Variants in TOX observed in about 807,000 individuals in gnomAD.
The protein encoded by TOX is thymocyte selection associated high mobility group box.
In TOX, 11 loss-of-function variants were observed where a neutral mutation model predicts 53.7. That is an observed-to-expected ratio of 0.20 (90% CI 0.13 to 0.34). TOX has a LOEUF of 0.34. TOX is among the 10% of genes least tolerant of loss of function. The pLI, the probability that TOX is intolerant of heterozygous loss-of-function variation, is 1.00. For synonymous variants in TOX, 225 were observed against 245.3 expected (o/e 0.92, Z 0.77); for missense variants, 570 against 664.6 (o/e 0.86, Z 1.56).
At chr8:58,910,203 G>A (rs186830970) in intron 3 of TOX, among the ~76,000 whole-genome samples, 41 of 152,252 alleles carry the variant, frequency 2.7e-4, no homozygotes, top group African/African-American at 9.6e-4. Flanking sequence ...ATATATAGTT[G>A]TATTTGACAA....
chr8:59,088,503 T>G (rs1029920980), intron 1 of TOX, among the ~76,000 whole-genome samples: 33 of 152,342 alleles, frequency 2.2e-4, no homozygotes, highest in African/African-American at 7.7e-4. Context: ...CATTACATTT[T>G]GGGTACAGAA....
At chr8:58,866,858 T>C (rs1811112392) in intron 3 of TOX, among the ~76,000 whole-genome samples, 1 of 152,186 alleles carries the variant, frequency 6.6e-6, no homozygotes, top group Non-Finnish European at 1.5e-5. Flanking sequence ...GGAAATAAGC[T>C]CAAAGTTCCT....
intron 1 of TOX, among the ~76,000 whole-genome samples, chr8:58,995,986 C>T (rs756707689): frequency 6.6e-6 from 1 of 151,992 alleles, no homozygotes; most frequent in Non-Finnish European, 1.5e-5. Flanking sequence ...GTTGGTATTC[C>T]CTCCGTTTCC....
chr8:58,998,499 ATATATATATATATATAT>A (rs1563413278), intron 1 of TOX, among the ~76,000 whole-genome samples: 1 of 74,538 alleles, frequency 1.3e-5, no homozygotes, highest in Non-Finnish European at 2.3e-5. Flanking sequence ...AAAAGTATAT[ATATATATATATATATAT>A]ATATATATAT....
At chr8:59,058,133 T>A (rs1344410712) in intron 1 of TOX, among the ~76,000 whole-genome samples, 1 of 152,238 alleles carries the variant, frequency 6.6e-6, no homozygotes, top group Non-Finnish European at 1.5e-5. Flanking sequence ...CAACTAAGAA[T>A]ATCATCTCAT....
At chr8:58,993,751 C>A (rs549651252) in intron 1 of TOX, among the ~76,000 whole-genome samples, 1 of 152,118 alleles carries the variant, frequency 6.6e-6, no homozygotes, top group Non-Finnish European at 1.5e-5. Flanking sequence ...AGATGACAGA[C>A]CTTTACTCTT....
intron 3 of TOX, among the ~76,000 whole-genome samples, chr8:58,908,980 A>G (rs1053369606): frequency 6.6e-6 from 1 of 152,174 alleles, no homozygotes; most frequent in South Asian, 2.1e-4. Flanking sequence ...CATTAATGGG[A>G]TGATATTGGC....
At chr8:59,005,260 C>T (rs2129418383) in intron 1 of TOX, among the ~76,000 whole-genome samples, 1 of 152,158 alleles carries the variant, frequency 6.6e-6, no homozygotes, top group East Asian at 1.9e-4. Flanking sequence ...GGATGGTCTT[C>T]ATCTCCTGAC....
intron 1 of TOX, among the ~76,000 whole-genome samples, chr8:58,976,109 T>G (rs763849127): frequency 6.6e-6 from 1 of 152,098 alleles, no homozygotes; most frequent in Non-Finnish European, 1.5e-5. Context: ...ATCTACTGAC[T>G]CTTTCTTCCA....
At chr8:59,043,738 T>C (rs537294432) in intron 1 of TOX, among the ~76,000 whole-genome samples, 5 of 152,208 alleles carry the variant, frequency 3.3e-5, no homozygotes, top group Non-Finnish European at 7.3e-5. Flanking sequence ...AAATGCGAGA[T>C]GGATGGGTAG....
intron 3 of TOX, among the ~76,000 whole-genome samples, chr8:58,858,969 AT>A (rs1810961630): frequency 6.6e-6 from 1 of 152,206 alleles, no homozygotes; most frequent in Admixed American, 6.5e-5. Context: ...TTTGCCAGGG[AT>A]TCAATTAATA....
intron 4 of TOX, among the ~76,000 whole-genome samples, chr8:58,845,024 T>C (rs1302420296): frequency 6.6e-6 from 1 of 152,108 alleles, no homozygotes; most frequent in African/African-American, 2.4e-5. Context: ...AAAAAGCATG[T>C]GCTAATGGTG....
intron 4 of TOX, among the ~76,000 whole-genome samples, chr8:58,847,310 A>C (rs1009103213): frequency 3.9e-5 from 6 of 152,184 alleles, no homozygotes; most frequent in African/African-American, 1.4e-4. Flanking sequence ...ACAAGAATAA[A>C]AGAGATTAAA....
intron 3 of TOX, among the ~76,000 whole-genome samples, chr8:58,868,705 A>G (rs1811144887): frequency 6.6e-6 from 1 of 152,130 alleles, no homozygotes; most frequent in African/African-American, 2.4e-5. Flanking sequence ...GAAAATTTAT[A>G]CCATTAAATA....
chr8:58,899,190 C>T (rs1811695764), intron 3 of TOX, among the ~76,000 whole-genome samples: 1 of 152,232 alleles, frequency 6.6e-6, no homozygotes, highest in African/African-American at 2.4e-5. Flanking sequence ...CTAACATAAT[C>T]ATTTCTCAGC....
At chr8:59,045,224 T>C (rs761867229) in intron 1 of TOX, among the ~76,000 whole-genome samples, 1 of 152,212 alleles carries the variant, frequency 6.6e-6, no homozygotes, top group Non-Finnish European at 1.5e-5. Flanking sequence ...TGCAGACACA[T>C]CACATTTTTC....
intron 3 of TOX, among the ~76,000 whole-genome samples, chr8:58,859,028 A>G (rs1810963940): frequency 6.6e-6 from 1 of 152,220 alleles, no homozygotes; most frequent in South Asian, 2.1e-4. Flanking sequence ...TTAATAATCA[A>G]AATTTATTTA....
chr8:58,870,532 A>G (rs778014854), intron 3 of TOX, among the ~76,000 whole-genome samples: 3 of 152,196 alleles, frequency 2.0e-5, no homozygotes, highest in Non-Finnish European at 4.4e-5. Flanking sequence ...TATTGACAAA[A>G]TGGTTTTGAA....
chr8:59,050,838 T>G (rs958642776), intron 1 of TOX, among the ~76,000 whole-genome samples: 2 of 152,198 alleles, frequency 1.3e-5, no homozygotes, highest in Non-Finnish European at 2.9e-5. Flanking sequence ...AAGCTCTCAT[T>G]GCATTCTGCA....
Sources: gnomAD v4.1 joint callset for allele counts (sites outside exome capture counted in the v4.1 genomes callset) on GRCh38, gnomAD v4.1.1 for gene constraint, MANE v1.5 for transcripts, NCBI Gene and HGNC (gene_info 2026-07-23, HGNC 2026-07-21) for gene names.